Variants in RAB40B observed in about 807,000 individuals in gnomAD.
RAB40B encodes RAB40B, member RAS oncogene family, also known as ras-related protein Rab-40B.
RAB40B carries 21 observed loss-of-function variants against 24.0 expected under a neutral mutation model. That is an observed-to-expected ratio of 0.88 (90% CI 0.62 to 1.26). RAB40B has a LOEUF of 1.26. Ranked by LOEUF, RAB40B falls within the 50% of genes most tolerant of loss-of-function variation. The pLI is 0.00. For synonymous variants in RAB40B, 167 were observed against 169.8 expected (o/e 0.98, Z 0.13); for missense variants, 348 against 390.5 (o/e 0.89, Z 0.92).
At position 82,658,249 on chromosome 17, in the gene RAB40B, T is replaced by C. The variant is rs2046111961; in HGVS notation, c.566-115A>G. 2.8e-6 allele frequency: 4 copies of C among 1,414,014 alleles called. No individual in the cohort carries two copies. In the East Asian group the frequency reaches 9.5e-5, roughly 33 times the overall value. The allele number at this position is 1,414,014 out of a possible 1,614,324, so 87.6% of individuals were successfully genotyped here. On this transcript the variant is annotated intron_variant, in intron 5 of 5. Coordinates refer to ENST00000571995, the MANE Select transcript of RAB40B (RefSeq NM_006822.3). Reference sequence around the variant, plus strand: ...CCCAAGGCTCGGACGCCCGTGGCCCTGGCTTGTACATGCAGCAAGCCCTGC... The same window carrying C: ...CCCAAGGCTCGGACGCCCGTGGCCCCGGCTTGTACATGCAGCAAGCCCTGC...
rs985272869 is a variant in RAB40B at position 82,692,460 on chromosome 17, C to A, written c.142+5995G>T. ...ATGCATCTGACTGCCCTGGCCAGCA[C>A]AGGGCATGCCCATCCACAGAAGACA... On this transcript the variant is annotated intron_variant, in intron 1 of 5. Transcript: ENST00000571995. The surrounding 1 kb of genome is among the most constrained non-coding windows in gnomAD (Gnocchi z 4.0). 3.9e-5 allele frequency among the ~76,000 whole-genome samples: 6 copies of A among 152,204 alleles called. No individual in the cohort carries two copies. The highest frequency in any genetic ancestry group is 3.3e-4 in the Admixed American group (5 of 15,290).
chr17:82,659,838 A>C (rs2046139418), intron 3 of RAB40B, 181 bp from the exon 4 acceptor site: 1 of 594,436 alleles, frequency 1.7e-6, no homozygotes, highest in South Asian at 1.9e-5. Context: ...TCATAAGCTC[A>C]GTGATAAACC....
At chr17:82,684,409 T>C (rs2046476722) in intron 1 of RAB40B, among the ~76,000 whole-genome samples, 1 of 152,154 alleles carries the variant, frequency 6.6e-6, no homozygotes, top group Non-Finnish European at 1.5e-5. Context: ...TCATTTATCA[T>C]ATGACCTAGC....
chr17:82,686,404 GC>G (rs1315534064), intron 1 of RAB40B, among the ~76,000 whole-genome samples: 1 of 152,168 alleles, frequency 6.6e-6, no homozygotes, highest in Non-Finnish European at 1.5e-5. Context: ...GAGCCACCGC[GC>G]CCGGCCAAGG....
Position 82,658,253 on chromosome 17 carries a change from T to C in RAB40B, c.566-119A>G. On this transcript the variant is annotated intron_variant, in intron 5 of 5. Coordinates refer to ENST00000571995, the MANE Select transcript of RAB40B (RefSeq NM_006822.3). ...AGGCTCGGACGCCCGTGGCCCTGGCTTGTACATGCAGCAAGCCCTGCCGCG... is the reference window on the plus strand; with the variant it reads ...AGGCTCGGACGCCCGTGGCCCTGGCCTGTACATGCAGCAAGCCCTGCCGCG... 6 of 1,386,222 alleles carry C rather than the reference T, an allele frequency of 4.3e-6. No individual in the cohort carries two copies. The South Asian group carries it at 6.9e-5, about 16-fold the overall frequency. 85.9% of individuals were successfully genotyped at this position (1,386,222 alleles called of 1,614,324 possible). A position where few individuals can be genotyped will look rare whatever the true frequency, so the allele number is the denominator to read the frequency against.
intron 1 of RAB40B, 122 bp from the exon 2 acceptor site, chr17:82,664,678 G>C: frequency 3.2e-6 from 3 of 925,082 alleles, no homozygotes; most frequent in Non-Finnish European, 5.0e-6. Context: ...AAGGCAGGCG[G>C]ATGGGACCCC....
chr17:82,678,212 C>T (rs2046413817), intron 1 of RAB40B, among the ~76,000 whole-genome samples: 1 of 151,902 alleles, frequency 6.6e-6, no homozygotes, highest in Admixed American at 6.6e-5. Context: ...CGTTTTGGTC[C>T]ACGAGAAACT....
intron 1 of RAB40B, among the ~76,000 whole-genome samples, chr17:82,685,843 AC>A (rs1234176338): frequency 6.8e-6 from 1 of 146,914 alleles, no homozygotes. Flanking sequence ...TCGCCCTGTC[AC>A]CCAGGCTGGA....
chr17:82,698,043 G>T (rs1029443397), intron 1 of RAB40B, among the ~76,000 whole-genome samples: 12 of 150,566 alleles, frequency 8.0e-5, no homozygotes, highest in Non-Finnish European at 1.3e-4. Context: ...CCCCGCGGCC[G>T]AACGCGCACT....
At chr17:82,661,993 C>T (rs1312798703) in intron 2 of RAB40B, 1 of 985,286 alleles carries the variant, frequency 1.0e-6, no homozygotes, top group Non-Finnish European at 1.2e-6. Context: ...AGCGCTGTTT[C>T]CCGGAGTCTG....
At chr17:82,659,462 G>C (rs1195962154) in intron 4 of RAB40B, 118 bp downstream of exon 4, 1 of 940,940 alleles carries the variant, frequency 1.1e-6, no homozygotes, top group Non-Finnish European at 1.7e-6. Context: ...GCGCCATCCG[G>C]TGCCCTGGCC....
intron 1 of RAB40B, among the ~76,000 whole-genome samples, chr17:82,681,941 G>A (rs140218905): frequency 9.9e-5 from 15 of 151,964 alleles, no homozygotes; most frequent in East Asian, 7.7e-4. Context: ...AAAACAGAAC[G>A]CTTTCCCCAT....
At chr17:82,658,741 A>G (rs2046121783) in intron 4 of RAB40B, 28 bp from the exon 5 acceptor site, 4 of 1,583,564 alleles carry the variant, frequency 2.5e-6, no homozygotes, top group Middle Eastern at 1.7e-4. Flanking sequence ...GGCGAGGAGC[A>G]TGGGTTACTT....
At chr17:82,664,727 C>T (rs1180338273) in intron 1 of RAB40B, 171 bp from the exon 2 acceptor site, 17 of 616,138 alleles carry the variant, frequency 2.8e-5, no homozygotes, top group South Asian at 1.7e-4. Context: ...GCCCTGCCTG[C>T]GCCCTCCCGC....
chr17:82,655,041 G>A lies in RAB40B; in HGVS notation c.*2822C>T, dbSNP rs147104848. ...AAACACACAGTCTTCTACTTAGTCC[G>A]GTCTGTATTAGGTTTCGTCTGTTTT... On this transcript the variant is annotated 3_prime_UTR_variant, in exon 6 of 6. Coordinates refer to ENST00000571995, the MANE Select transcript of RAB40B (RefSeq NM_006822.3). 7 of 152,182 alleles carry A rather than the reference G, an allele frequency of 4.6e-5. No homozygotes were observed. The highest frequency in any genetic ancestry group is 6.5e-5 in the Admixed American group (1 of 15,282). The allele number at this position is 152,182 out of a possible 1,614,324, so 9.4% of individuals were successfully genotyped here. A position where few individuals can be genotyped will look rare whatever the true frequency, so the allele number is the denominator to read the frequency against.
At position 82,697,030 on chromosome 17, in the gene RAB40B, C is replaced by T. The variant is rs1371921428; in HGVS notation, c.142+1425G>A. ...GCCTGGGGACAGGTAGAGACGCAGGCTCCCCTCCTGCCCCACGGAGCACAC... is the reference window on the plus strand; with the variant it reads ...GCCTGGGGACAGGTAGAGACGCAGGTTCCCCTCCTGCCCCACGGAGCACAC... On this transcript the variant is annotated intron_variant, in intron 1 of 5. Coordinates refer to ENST00000571995, the MANE Select transcript of RAB40B (RefSeq NM_006822.3). The surrounding 1 kb of genome is among the most constrained non-coding windows in gnomAD (Gnocchi z 4.9). 1.3e-5 allele frequency among the ~76,000 whole-genome samples: 2 copies of T among 152,060 alleles called. No homozygotes were observed. The highest frequency in any genetic ancestry group is 2.9e-5 in the Non-Finnish European group (2 of 67,998).
In RAB40B at chr17:82,698,464, GGCCGTACGGGGACTCGGCCGC is replaced by G; in HGVS notation, c.112_132del (p.Ala38_Gly44del). 6.8e-7 allele frequency: 1 copy of G among 1,469,634 alleles called. No individual in the cohort carries two copies. Among genetic ancestry groups the G allele is most frequent in the Admixed American group, 2.1e-5 (1 of 47,994 alleles). The allele number at this position is 1,469,634 out of a possible 1,614,324, so 91.0% of individuals were successfully genotyped here. A position where few individuals can be genotyped will look rare whatever the true frequency, so the allele number is the denominator to read the frequency against. ...CTCCGCCCGCGCTCACCCGCCGGGT[GGCCGTACGGGGACTCGGCCGC>G]GCCATCCTGCAGGCTCGCCAGGATC... On this transcript the variant is annotated inframe_deletion, in exon 1 of 6. Transcript: ENST00000571995.
chr17:82,657,537 C>T lies in RAB40B; in HGVS notation c.*326G>A, dbSNP rs930206973. The T allele has an allele frequency of 2.6e-5, 11 of 420,994 alleles. No individual in the cohort carries two copies. Among genetic ancestry groups the T allele is most frequent in the African/African-American group, 6.1e-5 (3 of 49,210 alleles). 26.1% of individuals were successfully genotyped at this position (420,994 alleles called of 1,614,324 possible). On this transcript the variant is annotated 3_prime_UTR_variant, in exon 6 of 6. Transcript: ENST00000571995. ...TTTATACTAATCACTCCAATATCAC[C>T]GTTCTTACAAAAGCAGTTATTTTAA...
intron 2 of RAB40B, chr17:82,662,683 A>G (rs773996786): frequency 2.7e-5 from 27 of 985,222 alleles, no homozygotes; most frequent in Non-Finnish European, 3.3e-5. Context: ...GAGCAGCCTC[A>G]GGGTCCTGCT....
Sources: gnomAD v4.1 joint callset for allele counts (sites outside exome capture counted in the v4.1 genomes callset) on GRCh38, gnomAD v4.1.1 for gene constraint, Gnocchi (gnomAD v3.1) non-coding constraint, MANE v1.5 for transcripts, NCBI Gene and HGNC (gene_info 2026-07-23, HGNC 2026-07-21) for gene names.